The following NBEA variants were observed in gnomAD, a reference collection of about 807,000 sequenced individuals.
The protein encoded by NBEA is neurobeachin, also known as lysosomal-trafficking regulator 2.
Under a neutral mutation model 343.4 loss-of-function variants are expected in NBEA, and 44 were observed. The observed-to-expected ratio is 0.13, with a 90% CI of 0.10 to 0.16. NBEA has a LOEUF of 0.16. NBEA is among the 10% of genes least tolerant of loss of function. The probability of loss-of-function intolerance (pLI) is 1.00; values close to 1 mark genes in which losing one functional copy is unlikely to be tolerated. For missense variants in NBEA, 2,555 were observed against 3,631.3 expected (o/e 0.70, Z 7.62); for synonymous variants, 1,175 against 1,238.7 (o/e 0.95, Z 1.08).
chr13:35,479,666 A>G (rs1293298844), intron 41 of NBEA, among the ~76,000 whole-genome samples: 4 of 152,238 alleles, frequency 2.6e-5, no homozygotes, highest in Admixed American at 1.3e-4. Flanking sequence ...TCAAATGATT[A>G]TGTAGTACAT....
chr13:35,017,881 A>C (rs1164051930), intron 1 of NBEA, among the ~76,000 whole-genome samples: 1 of 152,024 alleles, frequency 6.6e-6, no homozygotes, highest in Non-Finnish European at 1.5e-5. Flanking sequence ...TTTTTCTTAG[A>C]GGTTTTGCAG....
chr13:35,399,346 A>G (rs1044685219), intron 38 of NBEA, among the ~76,000 whole-genome samples: 5 of 152,164 alleles, frequency 3.3e-5, no homozygotes, highest in African/African-American at 9.7e-5. Flanking sequence ...ATTGACTCAC[A>G]GTTTGCATGG....
intron 38 of NBEA, among the ~76,000 whole-genome samples, chr13:35,429,821 G>GTGTGTGTGTGTGTGTA (rs1286207720): frequency 6.9e-6 from 1 of 145,456 alleles, no homozygotes; most frequent in Non-Finnish European, 1.5e-5. Flanking sequence ...GTGTGTGTGT[G>GTGTGTGTGTGTGTGTA]TGTGTGTGTG....
chr13:35,166,613 T>C lies in NBEA; in HGVS notation c.4233+2104T>C, dbSNP rs1214969393. ...TTGTACAACATAGCTGATTTTATGT[T>C]TTTAGAATGAATTGCTTCCTTAAGA... On this transcript the variant is annotated intron_variant, in intron 24 of 58. Coordinates refer to ENST00000379939, the MANE Select transcript of NBEA (RefSeq NM_001385012.1). Among the ~76,000 whole-genome samples, 5 of 152,156 alleles carry C rather than the reference T, an allele frequency of 3.3e-5. No homozygotes were observed. The East Asian group carries it at 9.6e-4, about 29-fold the overall frequency.
chr13:35,445,794 A>ATATATATATATATATATG (rs2045983099), intron 39 of NBEA, among the ~76,000 whole-genome samples: 2 of 80,050 alleles, frequency 2.5e-5, no homozygotes, highest in Non-Finnish European at 4.8e-5. Context: ...ATATATATAT[A>ATATATATATATATATATG]TATATATATA....
intron 41 of NBEA, chr13:35,474,066 C>T (rs954102288): frequency 3.9e-5 from 6 of 152,062 alleles, no homozygotes; most frequent in East Asian, 1.9e-4. Flanking sequence ...ACAGAAAGAG[C>T]TTTTCTCCAA....
At chr13:35,282,208 G>C (rs114621291) in intron 34 of NBEA, among the ~76,000 whole-genome samples, 1 of 151,818 alleles carries the variant, frequency 6.6e-6, no homozygotes, top group Admixed American at 6.6e-5. Context: ...CACTGCACCC[G>C]GCCAATTATT....
At chr13:35,221,701 G>A (rs192569210) in intron 33 of NBEA, among the ~76,000 whole-genome samples, 269 of 152,028 alleles carry the variant, frequency 1.8e-3, no homozygotes, top group African/African-American at 4.9e-3. Flanking sequence ...GTCTTTTTTC[G>A]ATTCACCACT....
chr13:35,322,785 A>C (rs1289007530), intron 36 of NBEA, among the ~76,000 whole-genome samples: 1 of 152,192 alleles, frequency 6.6e-6, no homozygotes, highest in Non-Finnish European at 1.5e-5. Flanking sequence ...GTCCCATTTA[A>C]TAATGGTTAG....
intron 41 of NBEA, among the ~76,000 whole-genome samples, chr13:35,548,371 G>A (rs558740228): frequency 6.6e-6 from 1 of 152,192 alleles, no homozygotes; most frequent in South Asian, 2.1e-4. Flanking sequence ...GGAAATAAAT[G>A]CTTGGTCAAA....
chr13:35,357,857 A>T (rs915266289), intron 38 of NBEA, among the ~76,000 whole-genome samples: 24 of 152,132 alleles, frequency 1.6e-4, no homozygotes, highest in African/African-American at 5.8e-4. Flanking sequence ...GCTTAATATA[A>T]TGTCAGACAC....
chr13:35,208,490 G>T (rs1276993841), intron 31 of NBEA, among the ~76,000 whole-genome samples: 1 of 151,994 alleles, frequency 6.6e-6, no homozygotes, highest in African/African-American at 2.4e-5. Context: ...AAAAATGTTG[G>T]CCAAATCAAT....
chr13:35,600,900 C>T (rs1338643088), intron 47 of NBEA, among the ~76,000 whole-genome samples: 2 of 152,206 alleles, frequency 1.3e-5, no homozygotes, highest in South Asian at 2.1e-4. Flanking sequence ...CTTTGAGCCG[C>T]GTACGGTGGT....
chr13:35,123,890 A>C (rs1242766871), intron 17 of NBEA, among the ~76,000 whole-genome samples: 1 of 152,122 alleles, frequency 6.6e-6, no homozygotes, highest in East Asian at 1.9e-4. Flanking sequence ...TTTCAAGGAA[A>C]GCTTTCTTGA....
intron 45 of NBEA, among the ~76,000 whole-genome samples, chr13:35,577,600 C>T (rs3829377): frequency 0.13 from 19,833 of 151,732 alleles, 1,440 homozygotes; most frequent in East Asian, 0.28. Context: ...TTATGTCTTT[C>T]GATTTTTGCA....
chr13:34,973,170 C>T (rs1024086675), intron 1 of NBEA, among the ~76,000 whole-genome samples: 8 of 152,196 alleles, frequency 5.3e-5, no homozygotes, highest in Admixed American at 4.6e-4. Flanking sequence ...ACCCCTTCCT[C>T]TGGGTGCTCC....
intron 1 of NBEA, among the ~76,000 whole-genome samples, chr13:34,987,955 G>A (rs1179636428): frequency 6.6e-5 from 10 of 150,732 alleles, no homozygotes; most frequent in East Asian, 1.9e-4. Flanking sequence ...CCTTTAGCTC[G>A]GAGATGTTTG....
intron 1 of NBEA, among the ~76,000 whole-genome samples, chr13:34,984,069 G>C (rs2060459671): frequency 6.6e-6 from 1 of 152,038 alleles, no homozygotes; most frequent in African/African-American, 2.4e-5. Flanking sequence ...TTTGGCTTTT[G>C]TTGCCATTGC....
intron 28 of NBEA, among the ~76,000 whole-genome samples, chr13:35,178,885 T>C (rs1847574704): frequency 6.6e-6 from 1 of 151,462 alleles, no homozygotes; most frequent in Admixed American, 6.6e-5. Flanking sequence ...AAAAAATGTG[T>C]TGTGAAAAGG....
Sources: gnomAD v4.1 joint callset for allele counts (sites outside exome capture counted in the v4.1 genomes callset) on GRCh38, gnomAD v4.1.1 for gene constraint, MANE v1.5 for transcripts, NCBI Gene and HGNC (gene_info 2026-07-23, HGNC 2026-07-21) for gene names.